Variants in HERC3 observed in about 807,000 individuals in gnomAD.
HERC3 encodes the protein HECT and RLD domain containing E3 ubiquitin protein ligase 3.
Under a neutral mutation model 129.9 loss-of-function variants are expected in HERC3, and 58 were observed. The observed-to-expected ratio is 0.45, with a 90% confidence interval of 0.36 to 0.56. HERC3 has a LOEUF of 0.56. Ranked by LOEUF, HERC3 falls within the 20% of genes least tolerant of loss-of-function variation. The pLI is 0.00. For missense variants in HERC3, 835 were observed against 1,244.2 expected, an observed-to-expected ratio of 0.67 and a Z score of 4.95; for synonymous variants, 430 against 451.0, an observed-to-expected ratio of 0.95 and a Z score of 0.59.
intron 3 of HERC3, among the ~76,000 whole-genome samples, chr4:88,608,033 A>G (rs921008332): frequency 3.0e-4 from 46 of 152,266 alleles, no homozygotes; most frequent in African/African-American, 1.0e-3. Flanking sequence ...TTTTTTCTAG[A>G]TGATTTTATC....
chr4:88,553,569 TAAG>T, the HERC3 span, among the ~76,000 whole-genome samples: 1 of 152,126 alleles, frequency 6.6e-6, no homozygotes, highest in Non-Finnish European at 1.5e-5. Flanking sequence ...TGAAGACAAT[TAAG>T]AAGGAAAATA....
chr4:88,686,844 CTT>C (rs772089431), intron 22 of HERC3, 42 bp downstream of exon 22: 1 of 1,363,524 alleles, frequency 7.3e-7, no homozygotes. Flanking sequence ...GGCTGTCTCT[CTT>C]ACCATCTTTA....
chr4:88,688,176 T>A (rs1733682703), intron 23 of HERC3, among the ~76,000 whole-genome samples: 1 of 152,160 alleles, frequency 6.6e-6, no homozygotes. Context: ...GAATGCAAGT[T>A]GGAGGAAACA....
chr4:88,574,712 G>A, the HERC3 span, among the ~76,000 whole-genome samples: 2 of 152,162 alleles, frequency 1.3e-5, no homozygotes, highest in African/African-American at 4.8e-5. Flanking sequence ...TTAGCATAAT[G>A]TCCTCAAGGT....
chr4:88,618,650 G>GTA (rs960409263), intron 3 of HERC3, among the ~76,000 whole-genome samples: 2 of 152,182 alleles, frequency 1.3e-5, no homozygotes, highest in Non-Finnish European at 1.5e-5. Flanking sequence ...ATCACTGGAC[G>GTA]TAGGTTGAGT....
At position 88,652,970 on chromosome 4, in the gene HERC3, G is replaced by C; in HGVS notation, c.565G>C (p.Gly189Arg). The change falls in exon 6 of 26, where the codon GGG becomes CGG. Residue 189 changes from glycine to arginine, a missense_variant. Physicochemically the swap from Gly to Arg is moderately radical, Grantham distance 125 (BLOSUM62 -2). Coordinates refer to ENST00000402738, the MANE Select transcript of HERC3 (RefSeq NM_014606.3). ...CCCACAGAGGGTGAGGTCCCTGGAGGGGATCCCACTGGCTCAGGTGGCTGC... is the reference window on the plus strand; with the variant it reads ...CCCACAGAGGGTGAGGTCCCTGGAGCGGATCCCACTGGCTCAGGTGGCTGC... ...ASPQRVRSLE[G>R]IPLAQVAAGG... 6.2e-7 allele frequency: 1 copy of C among 1,614,196 alleles called. No homozygotes were observed. Among genetic ancestry groups the C allele is most frequent in the East Asian group, 2.2e-5 (1 of 44,882 alleles).
At chr4:88,630,709 A>G (rs1239617863) in intron 3 of HERC3, among the ~76,000 whole-genome samples, 2 of 152,238 alleles carry the variant, frequency 1.3e-5, no homozygotes, top group Non-Finnish European at 2.9e-5. Flanking sequence ...GGATTTATGC[A>G]TTTAACTATA....
intron 2 of HERC3, among the ~76,000 whole-genome samples, chr4:88,603,388 A>G (rs1326635876): frequency 6.6e-6 from 1 of 151,904 alleles, no homozygotes; most frequent in Non-Finnish European, 1.5e-5. Context: ...TTGTATTTTT[A>G]GTAGAGATGC....
chr4:88,651,245 A>G (rs559757478), intron 4 of HERC3, among the ~76,000 whole-genome samples: 4 of 152,346 alleles, frequency 2.6e-5, no homozygotes, highest in African/African-American at 9.6e-5. Context: ...TTCTACAGTA[A>G]TAGCTTAATA....
intron 3 of HERC3, among the ~76,000 whole-genome samples, chr4:88,617,941 T>G (rs1725104405): frequency 6.6e-6 from 1 of 150,940 alleles, no homozygotes; most frequent in Non-Finnish European, 1.5e-5. Context: ...AGGCAGCAAG[T>G]CCCCTGGTTT....
chr4:88,606,409 A>G (rs1240948757), intron 3 of HERC3, among the ~76,000 whole-genome samples: 1 of 151,952 alleles, frequency 6.6e-6, no homozygotes, highest in African/African-American at 2.4e-5. Context: ...GCGCCACCAC[A>G]AGACTTTTTA....
chr4:88,610,483 C>T (rs972946728), intron 3 of HERC3, among the ~76,000 whole-genome samples: 3 of 151,938 alleles, frequency 2.0e-5, no homozygotes, highest in Admixed American at 1.3e-4. Flanking sequence ...AACGCCTTAC[C>T]CGTCTGGGAA....
chr4:88,573,850 C>G, the HERC3 span, among the ~76,000 whole-genome samples: 1 of 152,154 alleles, frequency 6.6e-6, no homozygotes, highest in Non-Finnish European at 1.5e-5. Context: ...CAGTCTGTTG[C>G]TAGGATCTAA....
chr4:88,675,327 G>A (rs1334868933), intron 16 of HERC3, among the ~76,000 whole-genome samples: 3 of 152,148 alleles, frequency 2.0e-5, no homozygotes, highest in Non-Finnish European at 2.9e-5. Flanking sequence ...ACACCTGGAC[G>A]ATTAAATAAT....
chr4:88,634,442 A>C (rs1366470674), intron 3 of HERC3, among the ~76,000 whole-genome samples: 1 of 152,116 alleles, frequency 6.6e-6, no homozygotes, highest in Non-Finnish European at 1.5e-5. Flanking sequence ...GCTTCCTTGC[A>C]GGAACTCCGT....
At chr4:88,625,837 T>A (rs1474668455) in intron 3 of HERC3, among the ~76,000 whole-genome samples, 1 of 117,050 alleles carries the variant, frequency 8.5e-6, no homozygotes, top group Non-Finnish European at 1.7e-5. Flanking sequence ...TATTTAGTGA[T>A]TTTTTTTTAA....
the HERC3 span, among the ~76,000 whole-genome samples, chr4:88,535,883 G>GT: frequency 6.6e-6 from 1 of 152,214 alleles, no homozygotes; most frequent in Non-Finnish European, 1.5e-5. Flanking sequence ...ATATTACAGA[G>GT]TAGAAATAAT....
At chr4:88,602,188 G>C (rs1021191545) in intron 2 of HERC3, among the ~76,000 whole-genome samples, 2 of 151,924 alleles carry the variant, frequency 1.3e-5, no homozygotes, top group African/African-American at 4.8e-5. Context: ...ATTACTTGAG[G>C]TCAGGAGTTC....
At chr4:88,529,156 C>T in the HERC3 span, among the ~76,000 whole-genome samples, 69 of 152,124 alleles carry the variant, frequency 4.5e-4, no homozygotes, top group Non-Finnish European at 8.8e-4. Context: ...CCCAGAACAT[C>T]GGCATAGGGG....
Sources: gnomAD v4.1 joint callset for allele counts (sites outside exome capture counted in the v4.1 genomes callset) on GRCh38, gnomAD v4.1.1 for gene constraint, MANE v1.5 for transcripts, NCBI Gene and HGNC (gene_info 2026-07-23, HGNC 2026-07-21) for gene names.